AVL9: variants seen among roughly 807,000 people sequenced by gnomAD.
The protein encoded by AVL9 is late secretory pathway protein AVL9 homolog.
In AVL9, 49 loss-of-function variants were observed where a neutral mutation model predicts 79.2. The ratio of observed to expected loss-of-function variants is 0.62; its 90% CI spans 0.49 to 0.79. The LOEUF (loss-of-function observed/expected upper bound fraction) is 0.79, where lower values mean the gene tolerates loss of function less well. Ranked by LOEUF, AVL9 falls within the 30% of genes least tolerant of loss-of-function variation. The probability of loss-of-function intolerance (pLI) is 0.00; values close to 1 mark genes in which losing one functional copy is unlikely to be tolerated. For synonymous variants in AVL9, 299 were observed against 280.6 expected, an observed-to-expected ratio of 1.07 and a Z score of -0.65; for missense variants, 682 against 776.8, an observed-to-expected ratio of 0.88 and a Z score of 1.45.
chr7:32,563,388 A>G (rs1391314705), intron 10 of AVL9, among the ~76,000 whole-genome samples: 3 of 151,910 alleles, frequency 2.0e-5, no homozygotes, highest in African/African-American at 7.3e-5. Flanking sequence ...TGCAATGTAA[A>G]TGCTATGTGA....
chr7:32,574,331 A>G (rs1044206211), intron 12 of AVL9, among the ~76,000 whole-genome samples: 5 of 152,148 alleles, frequency 3.3e-5, no homozygotes, highest in African/African-American at 1.2e-4. Flanking sequence ...CATTTGTAAA[A>G]GACAGCTGAG....
At chr7:32,550,119 T>G (rs1789743739) in intron 4 of AVL9, among the ~76,000 whole-genome samples, 1 of 152,106 alleles carries the variant, frequency 6.6e-6, no homozygotes, top group Non-Finnish European at 1.5e-5. Flanking sequence ...TTAAAGGAAG[T>G]GCAACATGTT....
intron 8 of AVL9, 22 bp downstream of exon 8, chr7:32,554,618 G>A: frequency 7.0e-7 from 1 of 1,419,262 alleles, no homozygotes; most frequent in Non-Finnish European, 9.5e-7. Context: ...AGGGATGAAA[G>A]GAAAGATGGA....
intron 1 of AVL9, among the ~76,000 whole-genome samples, chr7:32,509,503 A>G (rs947206646): frequency 5.9e-5 from 9 of 152,100 alleles, no homozygotes; most frequent in African/African-American, 2.2e-4. Flanking sequence ...CATCAGTCCT[A>G]TAGTTTGCTT....
At chr7:32,571,301 G>A (rs1194815045) in intron 11 of AVL9, among the ~76,000 whole-genome samples, 11 of 150,136 alleles carry the variant, frequency 7.3e-5, no homozygotes, top group Admixed American at 3.3e-4. Context: ...AGGCTGAGGC[G>A]GGTGGATCAT....
At chr7:32,508,310 C>T (rs987780857) in intron 1 of AVL9, among the ~76,000 whole-genome samples, 1 of 152,102 alleles carries the variant, frequency 6.6e-6, no homozygotes, top group African/African-American at 2.4e-5. Flanking sequence ...AGATATTTTT[C>T]TGTATTACCT....
At chr7:32,500,253 G>C (rs766121459) in intron 1 of AVL9, among the ~76,000 whole-genome samples, 2 of 152,120 alleles carry the variant, frequency 1.3e-5, no homozygotes, top group South Asian at 4.1e-4. Flanking sequence ...TCCAGCATCT[G>C]TTGTTTCCTG....
At chr7:32,518,278 G>A (rs1787994399) in intron 1 of AVL9, among the ~76,000 whole-genome samples, 2 of 152,164 alleles carry the variant, frequency 1.3e-5, no homozygotes, top group Non-Finnish European at 2.9e-5. Context: ...TAAAATGGTT[G>A]ACAGGGAAAT....
chr7:32,509,044 C>T (rs1335977117), intron 1 of AVL9, among the ~76,000 whole-genome samples: 2 of 152,158 alleles, frequency 1.3e-5, no homozygotes, highest in Non-Finnish European at 2.9e-5. Context: ...TTGAGGACAG[C>T]ACTTCTTTTT....
At chr7:32,574,029 G>T (rs1790975613) in intron 12 of AVL9, among the ~76,000 whole-genome samples, 2 of 152,208 alleles carry the variant, frequency 1.3e-5, no homozygotes, top group Admixed American at 6.5e-5. Context: ...GAGCTCTGCA[G>T]TGAGCTTTTC....
chr7:32,551,462 A>C (rs1267402891), intron 5 of AVL9, 39 bp downstream of exon 5: 1 of 1,159,910 alleles, frequency 8.6e-7, no homozygotes, highest in South Asian at 1.3e-5. Flanking sequence ...TTGGCTGAAG[A>C]TAGACTCATG....
chr7:32,554,907 T>C (rs2128139857), intron 8 of AVL9, among the ~76,000 whole-genome samples: 1 of 152,284 alleles, frequency 6.6e-6, no homozygotes, highest in Non-Finnish European at 1.5e-5. Context: ...TCCATCTCTT[T>C]GCTCTACAGT....
intron 10 of AVL9, among the ~76,000 whole-genome samples, chr7:32,568,621 TTTA>T (rs1425218921): frequency 6.6e-6 from 1 of 152,204 alleles, no homozygotes; most frequent in Non-Finnish European, 1.5e-5. Context: ...TGGTATTGCA[TTTA>T]TTTTCATAAA....
chr7:32,571,096 G>A (rs1341496865), intron 11 of AVL9, among the ~76,000 whole-genome samples: 1 of 150,742 alleles, frequency 6.6e-6, no homozygotes, highest in East Asian at 2.0e-4. Flanking sequence ...GCCAGACATG[G>A]TGGTGCATGC....
Position 32,548,909 on chromosome 7 carries a change from A to G in AVL9, c.363A>G (p.Leu121=), listed in dbSNP as rs761999294. 1.3e-6 allele frequency: 2 copies of G among 1,563,882 alleles called. No individual in the cohort carries two copies. Among genetic ancestry groups the G allele is most frequent in the African/African-American group, 1.4e-5 (1 of 73,066 alleles). The part of the protein sequence containing the change: ...RETVQKSVCV[L]SKLPLYGLLQ... The stretch of plus-strand genomic sequence containing the variant: ...CTGTTCAGAAAAGTGTCTGTGTTCT[A>G]AGCAAGCTGGTAAGAGACGAAGTAA... Residue 121 remains leucine, a synonymous_variant, in exon 4 of 16, where the codon CTA becomes CTG. Coordinates refer to ENST00000318709, the MANE Select transcript of AVL9 (RefSeq NM_015060.3).
chr7:32,518,863 T>A (rs999279258), intron 1 of AVL9, among the ~76,000 whole-genome samples: 3 of 151,718 alleles, frequency 2.0e-5, no homozygotes, highest in Non-Finnish European at 4.4e-5. Context: ...ATACACTCAA[T>A]AATTGGTTAA....
At chr7:32,569,935 T>TC in intron 10 of AVL9, 85 bp from the exon 11 acceptor site, 3 of 1,374,360 alleles carry the variant, frequency 2.2e-6, no homozygotes, top group Non-Finnish European at 3.0e-6. Context: ...TGGAAGTTTC[T>TC]TTTCCTACTG....
intron 1 of AVL9, among the ~76,000 whole-genome samples, chr7:32,522,374 TGACCTGGATTTGA>T (rs1309323271): frequency 6.6e-6 from 1 of 152,180 alleles, no homozygotes; most frequent in Non-Finnish European, 1.5e-5. Context: ...TGCATCAGTG[TGACCTGGATTTGA>T]GACCTGGAAT....
chr7:32,551,463 T>A (rs371602120), intron 5 of AVL9, 40 bp downstream of exon 5: 2 of 1,147,172 alleles, frequency 1.7e-6, no homozygotes, highest in African/African-American at 3.1e-5. Context: ...TGGCTGAAGA[T>A]AGACTCATGA....
Sources: gnomAD v4.1 joint callset for allele counts (sites outside exome capture counted in the v4.1 genomes callset) on GRCh38, gnomAD v4.1.1 for gene constraint, MANE v1.5 for transcripts, NCBI Gene and HGNC (gene_info 2026-07-23, HGNC 2026-07-21) for gene names.